The following BUD23 variants were observed in gnomAD, a reference collection of about 807,000 sequenced individuals.
The protein encoded by BUD23 is 18S rRNA (guanine-N(7))-methyltransferase.
Under a neutral mutation model 47.0 loss-of-function variants are expected in BUD23, and 34 were observed. The ratio of observed to expected loss-of-function variants is 0.72; its 90% confidence interval spans 0.55 to 0.96. The LOEUF (loss-of-function observed/expected upper bound fraction) is 0.96, where lower values mean the gene tolerates loss of function less well. Among genes scored for constraint, BUD23 ranks in the 40% least tolerant of loss-of-function variants. BUD23 has a pLI of 0.00. For synonymous variants in BUD23, 124 were observed against 132.0 expected (o/e 0.94, Z 0.41); for missense variants, 343 against 361.2 (o/e 0.95, Z 0.41).
At chr7:73,687,172 C>A in intron 5 of BUD23, 77 bp downstream of exon 5, 1 of 1,463,302 alleles carries the variant, frequency 6.8e-7, no homozygotes, top group Non-Finnish European at 9.4e-7. Context: ...AGTGCAGTGT[C>A]TGTGATTATG....
intron 2 of BUD23, among the ~76,000 whole-genome samples, chr7:73,684,471 T>G (rs929218020): frequency 6.6e-6 from 1 of 151,882 alleles, no homozygotes; most frequent in East Asian, 1.9e-4. Context: ...GGCTTTTTTT[T>G]GTAAATTTTT....
chr7:73,697,254 GA>G, intron 10 of BUD23: 1 of 593,800 alleles, frequency 1.7e-6, no homozygotes, highest in Non-Finnish European at 3.0e-6. Context: ...CTGTGCTCTT[GA>G]AGTCTAGGTG....
intron 7 of BUD23, 193 bp downstream of exon 7, chr7:73,692,839 GCCTTCTC>G: frequency 1.7e-6 from 1 of 577,088 alleles, no homozygotes; most frequent in Non-Finnish European, 3.1e-6. Flanking sequence ...GGGGTGGGAT[GCCTTCTC>G]TTGGCAGATG....
rs782784211 is a variant in BUD23, at chr7:73,683,638, G to A, written c.13G>A (p.Gly5Ser). Residue 5 changes from glycine (G) to serine (S), a missense_variant, in exon 1 of 12, where the codon GGC (glycine) becomes AGC (serine). Transcript: ENST00000265758. MASR[G>S]RRPEHGGPPE... ...CTGAGGCGTGAGAATGGCGTCCCGC[G>A]GCCGGCGTCCGGAGCATGGCGGACC... 9 of 1,611,490 alleles carry A rather than the reference G, an allele frequency of 5.6e-6. No individual in the cohort carries two copies. The African/African-American group carries it at 6.7e-5, about 12-fold the overall frequency.
At chr7:73,697,057 G>A (rs150380823) in intron 10 of BUD23, 3 of 242,978 alleles carry the variant, frequency 1.2e-5, no homozygotes, top group South Asian at 1.1e-4. Flanking sequence ...TCAGGCATCC[G>A]AATGGCAGCT....
At chr7:73,684,115 C>A (rs1797843512) in intron 2 of BUD23, 2 of 763,016 alleles carry the variant, frequency 2.6e-6, no homozygotes, top group Admixed American at 6.5e-5. Flanking sequence ...AGGGGTCAGT[C>A]CTGGTGGGGG....
chr7:73,684,115 C>T (rs1797843512), intron 2 of BUD23: 2 of 763,016 alleles, frequency 2.6e-6, no homozygotes, highest in Non-Finnish European at 2.0e-6. Flanking sequence ...AGGGGTCAGT[C>T]CTGGTGGGGG....
At chr7:73,685,527 TCCCGG>T (rs782325150) in intron 2 of BUD23, among the ~76,000 whole-genome samples, 1 of 152,120 alleles carries the variant, frequency 6.6e-6, no homozygotes, top group Non-Finnish European at 1.5e-5. Flanking sequence ...CAACCTCGCC[TCCCGG>T]GTAGTTGGAA....
At chr7:73,693,141 C>A in intron 7 of BUD23, 188 bp from the exon 8 acceptor site, 1 of 616,902 alleles carries the variant, frequency 1.6e-6, no homozygotes, top group East Asian at 2.8e-5. Flanking sequence ...TTCTGTAATT[C>A]TCCTGAGGGA....
At position 73,686,881 on chromosome 7, in the gene BUD23, T is replaced by A. The variant is rs367967199; in HGVS notation, c.246T>A (p.Asp82Glu). Reference sequence around the variant, plus strand: ...AAGGGCACTATTGGGTGGGCCTGGATATCAGCCCTGCCATGCTGGGTAAGT... The same window carrying A: ...AAGGGCACTATTGGGTGGGCCTGGAAATCAGCCCTGCCATGCTGGGTAAGT... ...SDEGHYWVGL[D>E]ISPAMLDEAV... The change falls in exon 4 of 12, where the codon GAT (aspartate) becomes GAA (glutamate). Residue 82 changes from aspartate to glutamate, a missense_variant. Transcript: ENST00000265758. The A allele has an allele frequency of 1.9e-5, 31 of 1,614,210 alleles. No individual in the cohort carries two copies. Among genetic ancestry groups the A allele is most frequent in the Non-Finnish European group, 2.6e-5 (31 of 1,180,034 alleles).
intron 10 of BUD23, chr7:73,695,749 A>G (rs1554614765): frequency 6.6e-6 from 1 of 152,272 alleles, no homozygotes; most frequent in East Asian, 1.9e-4. Flanking sequence ...TTGCCTTTGC[A>G]GTCTTTGCCT....
intron 11 of BUD23, 47 bp from the exon 12 acceptor site, chr7:73,697,785 G>GC: frequency 6.2e-7 from 1 of 1,611,380 alleles, no homozygotes; most frequent in Non-Finnish European, 8.5e-7. Flanking sequence ...GTCCAGGGCT[G>GC]CTTTGATCTT....
intron 2 of BUD23, 155 bp downstream of exon 2, chr7:73,683,959 T>G (rs1263567725): frequency 2.6e-6 from 4 of 1,533,590 alleles, no homozygotes; most frequent in Non-Finnish European, 3.5e-6. Flanking sequence ...AAATCAACTT[T>G]AAGTTGCCGA....
chr7:73,692,681 T>G (rs782093212), intron 7 of BUD23, 35 bp downstream of exon 7: 1 of 1,599,790 alleles, frequency 6.3e-7, no homozygotes, highest in East Asian at 2.2e-5. Context: ...GCCGGGGAGT[T>G]GGGGGACTCA....
At chr7:73,696,619 A>G (rs1554614895) in intron 10 of BUD23, 1 of 152,260 alleles carries the variant, frequency 6.6e-6, no homozygotes. Context: ...GGTACAGGGC[A>G]GGGAGGAGCT....
In BUD23 at chr7:73,697,588, C is replaced by T; in HGVS notation, c.702-17C>T. 6 of 1,613,480 alleles carry T rather than the reference C, an allele frequency of 3.7e-6. No homozygotes were observed. The highest frequency in any genetic ancestry group is 5.1e-6 in the Non-Finnish European group (6 of 1,179,914). On this transcript the variant is annotated splice_polypyrimidine_tract_variant and intron_variant, in intron 10 of 11. Coordinates refer to ENST00000265758, the MANE Select transcript of BUD23 (RefSeq NM_017528.5). ...CCATCAGCTGTCCATCAGCTCATAG[C>T]TGTGTCTCCGCCACAGGTTCCCATT... is the stretch of plus-strand genomic sequence containing the variant.
intron 10 of BUD23, chr7:73,694,507 C>T (rs1798320915): frequency 6.5e-6 from 1 of 154,756 alleles, no homozygotes; most frequent in Non-Finnish European, 1.4e-5. Flanking sequence ...CAACTAACCA[C>T]CCCGTTGTTG....
intron 5 of BUD23, among the ~76,000 whole-genome samples, chr7:73,687,739 A>G (rs77869976): frequency 0.011 from 1,653 of 152,268 alleles, 31 homozygotes; most frequent in African/African-American, 0.039. Flanking sequence ...CTGGCTGTGC[A>G]GCAGACTCAT....
rs528258905 is a variant in BUD23, at chr7:73,692,603, G to A, written c.467G>A (p.Gly156Glu). Reference sequence around the variant, plus strand: ...TGTTCCTGTTTCTTTCAGGTCCGGGGATCCCGAGCTGTCCTGCAGCTGTAC... The same window carrying A: ...TGTTCCTGTTTCTTTCAGGTCCGGGAATCCCGAGCTGTCCTGCAGCTGTAC... Reference protein sequence around the residue: ...FASLFSVLVRGSRAVLQLYPE... With the variant: ...FASLFSVLVRESRAVLQLYPE... The change falls in exon 7 of 12, where the codon GGA becomes GAA. Residue 156 changes from glycine (G) to glutamate (E), a missense_variant. Coordinates refer to ENST00000265758, the MANE Select transcript of BUD23 (RefSeq NM_017528.5). 1.9e-6 allele frequency: 3 copies of A among 1,613,724 alleles called. No individual in the cohort carries two copies. Among genetic ancestry groups the A allele is most frequent in the Admixed American group, 1.7e-5 (1 of 60,002 alleles).
Sources: gnomAD v4.1 joint callset for allele counts (sites outside exome capture counted in the v4.1 genomes callset) on GRCh38, gnomAD v4.1.1 for gene constraint, MANE v1.5 for transcripts, NCBI Gene and HGNC (gene_info 2026-07-23, HGNC 2026-07-21) for gene names.